LRRN1: variants seen among roughly 807,000 people sequenced by gnomAD.
The protein encoded by LRRN1 is leucine-rich repeat neuronal protein 1.
A neutral mutation model predicts 45.8 loss-of-function variants in LRRN1; 14 were observed. That is an observed-to-expected ratio of 0.31 (90% confidence interval 0.20 to 0.48). The LOEUF (loss-of-function observed/expected upper bound fraction) is 0.48. Among genes scored for constraint, LRRN1 ranks in the 20% least tolerant of loss-of-function variants. The probability of loss-of-function intolerance (pLI) is 0.99; values close to 1 mark genes in which losing one functional copy is unlikely to be tolerated. For synonymous variants in LRRN1, 359 were observed against 330.1 expected, an observed-to-expected ratio of 1.09 and a Z score of -0.95; for missense variants, 789 against 874.2, an observed-to-expected ratio of 0.90 and a Z score of 1.23.
chr3:3,848,440 C>T lies in LRRN1; in HGVS notation c.*1648C>T, dbSNP rs889515158. Among the ~76,000 whole-genome samples the T allele has an allele frequency of 2.6e-5, 4 of 152,174 alleles. No homozygotes were observed. The highest frequency in any genetic ancestry group is 7.2e-5 in the African/African-American group (3 of 41,428). ...GTTTCAAAAGGCAGCTGCCGCCAGG[C>T]ACACAGCATTCCATCAGACAGGTGC... On this transcript the variant is annotated 3_prime_UTR_variant, in exon 2 of 2. Coordinates refer to ENST00000319331, the MANE Select transcript of LRRN1 (RefSeq NM_020873.7).
chr3:3,814,721 G>A (rs1000033847), intron 1 of LRRN1, among the ~76,000 whole-genome samples: 3 of 152,094 alleles, frequency 2.0e-5, no homozygotes, highest in African/African-American at 7.2e-5. Context: ...ATGTGAGGAT[G>A]TGAGGACACA....
intron 1 of LRRN1, among the ~76,000 whole-genome samples, chr3:3,833,411 C>T (rs114375669): frequency 0.011 from 1,682 of 152,302 alleles, 14 homozygotes; most frequent in Non-Finnish European, 0.018. Context: ...CCTACTTAGT[C>T]GGCCCAAATC....
rs1255978356 is a variant in LRRN1 at position 3,799,624 on chromosome 3, A to C, written c.-574A>C. 1.3e-5 allele frequency: 2 copies of C among 152,358 alleles called. No homozygotes were observed. The highest frequency in any genetic ancestry group is 2.9e-5 in the Non-Finnish European group (2 of 68,288). The allele number at this position is 152,358 out of a possible 1,614,324, so 9.4% of individuals were successfully genotyped here. ...CTCGCTGCCCCGCCCTCTGCACCCC[A>C]CTTCTCCGACCCTCCTTCCCAGTCC... On this transcript the variant is annotated 5_prime_UTR_variant, in exon 1 of 2. Transcript: ENST00000319331.
chr3:3,813,047 A>G lies in LRRN1; in HGVS notation c.-279+13128A>G, dbSNP rs545690441. 2.4e-4 allele frequency among the ~76,000 whole-genome samples: 37 copies of G among 152,308 alleles called. No individual in the cohort carries two copies. In the South Asian group the frequency reaches 3.1e-3, roughly 13 times the overall value. ...CACATCACCTGTGTTGCTCACAGAT[A>G]CAGATTTTTTATAGTAGTTTGGTGA... is the stretch of plus-strand genomic sequence containing the variant. On this transcript the variant is annotated intron_variant, in intron 1 of 1. Transcript: ENST00000319331.
At chr3:3,815,908 TAG>T (rs1469007945) in intron 1 of LRRN1, among the ~76,000 whole-genome samples, 1 of 2,806 alleles carries the variant, frequency 3.6e-4, no homozygotes, top group East Asian at 0.1. Context: ...AACCCTTTCT[TAG>T]TCTAAGAGAT....
At chr3:3,829,129 T>G (rs923715190) in intron 1 of LRRN1, among the ~76,000 whole-genome samples, 6 of 152,078 alleles carry the variant, frequency 3.9e-5, no homozygotes, top group African/African-American at 1.4e-4. Flanking sequence ...CTAAGAGATA[T>G]CCTAATGGAT....
At chr3:3,821,490 T>A (rs988851648) in intron 1 of LRRN1, among the ~76,000 whole-genome samples, 4 of 152,278 alleles carry the variant, frequency 2.6e-5, no homozygotes, top group Middle Eastern at 3.4e-3. Context: ...TGTACTTGTC[T>A]TATACACTCC....
chr3:3,814,807 G>C (rs1406923062), intron 1 of LRRN1, among the ~76,000 whole-genome samples: 1 of 152,128 alleles, frequency 6.6e-6, no homozygotes, highest in Non-Finnish European at 1.5e-5. Context: ...GCAGAAAGCA[G>C]TCCTCACCAG....
chr3:3,803,063 A>G (rs555479655), intron 1 of LRRN1, among the ~76,000 whole-genome samples: 2 of 152,346 alleles, frequency 1.3e-5, no homozygotes, highest in African/African-American at 4.8e-5. Context: ...CTGTGTTTCT[A>G]AAACATAACC....
rs1249458727 is a variant in LRRN1 at position 3,848,919 on chromosome 3, G to A, written c.*2127G>A. Among the ~76,000 whole-genome samples, 2 of 152,206 alleles carry A rather than the reference G, an allele frequency of 1.3e-5. No individual in the cohort carries two copies. The highest frequency in any genetic ancestry group is 2.4e-5 in the African/African-American group (1 of 41,454). On this transcript the variant is annotated 3_prime_UTR_variant, in exon 2 of 2. Coordinates refer to ENST00000319331, the MANE Select transcript of LRRN1 (RefSeq NM_020873.7). ...TTTACTCAGGATACATTTTAGCACA[G>A]GGCAGATCAGACGGTGTCTCTACTG...
At chr3:3,814,238 G>A (rs1486881508) in intron 1 of LRRN1, among the ~76,000 whole-genome samples, 1 of 147,886 alleles carries the variant, frequency 6.8e-6, no homozygotes, top group African/African-American at 2.5e-5. Context: ...TCATCTTTCG[G>A]AATTATAGAA....
intron 1 of LRRN1, among the ~76,000 whole-genome samples, chr3:3,814,937 G>T (rs965867378): frequency 1.3e-5 from 2 of 152,128 alleles, no homozygotes; most frequent in Non-Finnish European, 2.9e-5. Flanking sequence ...GACAGGAATG[G>T]AGTAAGAATC....
chr3:3,801,833 T>A (rs1480492627), intron 1 of LRRN1, among the ~76,000 whole-genome samples: 1 of 152,210 alleles, frequency 6.6e-6, no homozygotes, highest in Non-Finnish European at 1.5e-5. Context: ...GGAAAAGGTT[T>A]GTGTGAAGCA....
chr3:3,827,633 G>GA (rs776273216), intron 1 of LRRN1: 17 of 387,046 alleles, frequency 4.4e-5, no homozygotes, highest in Non-Finnish European at 8.8e-5. Context: ...TGGAGCCTGA[G>GA]AAAAAGCTAA....
At chr3:3,831,977 G>T (rs1320400516) in intron 1 of LRRN1, among the ~76,000 whole-genome samples, 1 of 152,218 alleles carries the variant, frequency 6.6e-6, no homozygotes, top group Non-Finnish European at 1.5e-5. Flanking sequence ...GGAGAAAAAG[G>T]CATTTGCCAT....
chr3:3,811,566 T>G (rs914817271), intron 1 of LRRN1, among the ~76,000 whole-genome samples: 1 of 152,236 alleles, frequency 6.6e-6, no homozygotes, highest in Non-Finnish European at 1.5e-5. Context: ...TGTATTTTGG[T>G]AGAAAATGAG....
intron 1 of LRRN1, among the ~76,000 whole-genome samples, chr3:3,832,876 C>T (rs558453683): frequency 3.9e-5 from 6 of 152,140 alleles, no homozygotes; most frequent in Admixed American, 6.5e-5. Flanking sequence ...CTAGGAACAC[C>T]GTGATTAATT....
intron 1 of LRRN1, among the ~76,000 whole-genome samples, chr3:3,824,229 C>A (rs114175366): frequency 0.014 from 2,066 of 152,244 alleles, 46 homozygotes; most frequent in African/African-American, 0.047. Context: ...AGTACATAGT[C>A]TTTTATTAAA....
intron 1 of LRRN1, among the ~76,000 whole-genome samples, chr3:3,839,827 T>A (rs1264647661): frequency 6.6e-6 from 1 of 152,174 alleles, no homozygotes; most frequent in African/African-American, 2.4e-5. Flanking sequence ...GTGTGTTGAT[T>A]TTGTATCCTG....
Sources: allele counts gnomAD v4.1 joint callset (sites outside exome capture counted in the v4.1 genomes callset), GRCh38; gene constraint gnomAD v4.1.1; transcripts MANE v1.5; gene names NCBI Gene and HGNC (gene_info 2026-07-23, HGNC 2026-07-21).